The following ALDH7A1 variants were observed in gnomAD, a reference collection of about 807,000 sequenced individuals.
ALDH7A1 encodes the protein alpha-aminoadipic semialdehyde dehydrogenase.
In ALDH7A1, 63 loss-of-function variants were observed where a neutral mutation model predicts 79.9. That is an observed-to-expected ratio of 0.79 (90% CI 0.64 to 0.97). The LOEUF (loss-of-function observed/expected upper bound fraction) is 0.97. Ranked by LOEUF, ALDH7A1 falls within the 50% of genes least tolerant of loss-of-function variation. ALDH7A1 has a pLI of 0.00. For synonymous variants in ALDH7A1, 240 were observed against 231.2 expected (o/e 1.04, Z -0.34); for missense variants, 627 against 665.2 (o/e 0.94, Z 0.63).
At chr5:126,580,597 T>A (rs1013518112) in intron 5 of ALDH7A1, among the ~76,000 whole-genome samples, 8 of 148,032 alleles carry the variant, frequency 5.4e-5, no homozygotes, top group Middle Eastern at 3.2e-3. Flanking sequence ...TATGATTTTT[T>A]AAAAAATATT....
chr5:126,573,332 A>G (rs776608767), intron 7 of ALDH7A1, among the ~76,000 whole-genome samples: 4 of 150,468 alleles, frequency 2.7e-5, no homozygotes, highest in Non-Finnish European at 5.9e-5. Context: ...AGGCCGAGGC[A>G]GGCAGATGAC....
chr5:126,594,953 G>T, intron 1 of ALDH7A1, 54 bp downstream of exon 1: 1 of 1,551,640 alleles, frequency 6.4e-7, no homozygotes, highest in Admixed American at 1.9e-5. Flanking sequence ...GTGCCCGCCC[G>T]GCCTCCTCGA....
intron 9 of ALDH7A1, among the ~76,000 whole-genome samples, chr5:126,565,160 C>T (rs1224772206): frequency 6.6e-6 from 1 of 151,890 alleles, no homozygotes; most frequent in East Asian, 1.9e-4. Flanking sequence ...TTCGGGAGGC[C>T]AAGGCGGGCG....
At chr5:126,573,065 C>A (rs1750830082) in intron 7 of ALDH7A1, among the ~76,000 whole-genome samples, 1 of 143,998 alleles carries the variant, frequency 6.9e-6, no homozygotes, top group African/African-American at 2.6e-5. Flanking sequence ...AGACCATCAA[C>A]CAGCATATAA....
At chr5:126,584,059 A>C (rs777938627) in intron 3 of ALDH7A1, 47 bp from the exon 4 acceptor site, 2 of 1,472,836 alleles carry the variant, frequency 1.4e-6, no homozygotes, top group Non-Finnish European at 1.9e-6. Context: ...GCATAAATTC[A>C]TGTTTATAAC....
chr5:126,552,624 T>A (rs1377819157), intron 13 of ALDH7A1, among the ~76,000 whole-genome samples: 2 of 152,158 alleles, frequency 1.3e-5, no homozygotes, highest in East Asian at 1.9e-4. Flanking sequence ...CTTGAACTTC[T>A]GACCTCAAGT....
intron 4 of ALDH7A1, among the ~76,000 whole-genome samples, 170 bp from the exon 5 acceptor site, chr5:126,583,144 G>C (rs1036639138): frequency 9.2e-5 from 14 of 152,120 alleles, no homozygotes; most frequent in Non-Finnish European, 5.9e-5. Flanking sequence ...ACTTTTTCCT[G>C]TCTACCTTGT....
At chr5:126,546,536 C>A (rs1749792260) in intron 16 of ALDH7A1, 137 bp from the exon 17 acceptor site, 5 of 749,274 alleles carry the variant, frequency 6.7e-6, no homozygotes, top group South Asian at 6.3e-5. Flanking sequence ...CACAATATCT[C>A]CCCTGCAAAC....
At chr5:126,594,235 A>G (rs894806363) in intron 1 of ALDH7A1, 2 of 471,024 alleles carry the variant, frequency 4.2e-6, no homozygotes, top group Non-Finnish European at 8.8e-6. Flanking sequence ...AACGTACAAC[A>G]TGGCAAGATT....
intron 14 of ALDH7A1, 29 bp from the exon 15 acceptor site, chr5:126,550,322 G>A: frequency 6.6e-7 from 1 of 1,525,570 alleles, no homozygotes; most frequent in Non-Finnish European, 9.1e-7. Context: ...GAAGCTGTAA[G>A]ATGTTATAGT....
intron 10 of ALDH7A1, 102 bp from the exon 11 acceptor site, chr5:126,559,436 T>TG: frequency 1.9e-6 from 1 of 531,718 alleles, no homozygotes; most frequent in Non-Finnish European, 3.0e-6. Flanking sequence ...TGGTTTTGGT[T>TG]TTTTTTTTTT....
chr5:126,593,985 C>G, intron 1 of ALDH7A1: 1 of 284,542 alleles, frequency 3.5e-6, no homozygotes, highest in South Asian at 3.2e-5. Context: ...AAGACGTGTT[C>G]CCTCTACCAA....
chr5:126,547,116 CAG>C (rs1233384191), intron 16 of ALDH7A1, among the ~76,000 whole-genome samples: 2 of 152,192 alleles, frequency 1.3e-5, no homozygotes, highest in Non-Finnish European at 2.9e-5. Flanking sequence ...CTGGCAGGAA[CAG>C]AGTCGCAGAG....
At chr5:126,591,954 G>C (rs1219422657) in intron 3 of ALDH7A1, 1 of 148,262 alleles carries the variant, frequency 6.7e-6, no homozygotes, top group East Asian at 1.9e-4. Flanking sequence ...TTTTGAGATG[G>C]AGTCTCACTC....
intron 8 of ALDH7A1, chr5:126,569,125 G>T (rs1232254192): frequency 6.6e-6 from 1 of 152,428 alleles, no homozygotes; most frequent in Non-Finnish European, 1.5e-5. Flanking sequence ...TGTCAGATCA[G>T]CAGCAGCATT....
chr5:126,583,745 C>T (rs1751252937), intron 4 of ALDH7A1, among the ~76,000 whole-genome samples, 187 bp downstream of exon 4: 1 of 151,366 alleles, frequency 6.6e-6, no homozygotes, highest in Admixed American at 6.6e-5. Flanking sequence ...GAGGCTCAGG[C>T]AGGGGAATTG....
chr5:126,582,975 C>G lies in ALDH7A1; in HGVS notation c.394-1G>C, dbSNP rs1064794053. 6.2e-7 allele frequency: 1 copy of G among 1,613,870 alleles called. No individual in the cohort carries two copies. Among genetic ancestry groups the G allele is most frequent in the Non-Finnish European group, 8.5e-7 (1 of 1,179,906 alleles). ...AGATTTTCCCCATCTCCAAAGACAC[C>G]TAGAAATATAAAACGACAAGCAGAA... On this transcript the variant is annotated splice_acceptor_variant, in intron 4 of 17. Transcript: ENST00000409134. LOFTEE classifies it high-confidence loss of function.
At chr5:126,566,567 C>T (rs947750154) in intron 9 of ALDH7A1, among the ~76,000 whole-genome samples, 1 of 152,120 alleles carries the variant, frequency 6.6e-6, no homozygotes, top group African/African-American at 2.4e-5. Flanking sequence ...AAAATTCATC[C>T]TGACAGCCAA....
chr5:126,581,132 TTTC>T (rs975915604), intron 5 of ALDH7A1: 3 of 152,092 alleles, frequency 2.0e-5, no homozygotes, highest in Admixed American at 6.6e-5. Flanking sequence ...CTTTTTTTTT[TTTC>T]TTACTCTTGC....
Sources: allele counts gnomAD v4.1 joint callset (sites outside exome capture counted in the v4.1 genomes callset), GRCh38; gene constraint gnomAD v4.1.1; transcripts MANE v1.5; gene names NCBI Gene and HGNC (gene_info 2026-07-23, HGNC 2026-07-21).